Variants in LRRTM4 observed in about 807,000 individuals in gnomAD.
LRRTM4 encodes leucine rich repeat transmembrane neuronal 4, also known as leucine-rich repeat transmembrane neuronal protein 4.
Under a neutral mutation model 47.6 loss-of-function variants are expected in LRRTM4, and 25 were observed. The ratio of observed to expected loss-of-function variants is 0.53; its 90% CI spans 0.38 to 0.73. The LOEUF (loss-of-function observed/expected upper bound fraction) is 0.73. Ranked by LOEUF, LRRTM4 falls within the 30% of genes least tolerant of loss-of-function variation. LRRTM4 has a pLI of 0.00. For missense variants in LRRTM4, 638 were observed against 713.4 expected, an observed-to-expected ratio of 0.89 and a Z score of 1.20; for synonymous variants, 311 against 269.5, an observed-to-expected ratio of 1.15 and a Z score of -1.51.
intron 3 of LRRTM4, among the ~76,000 whole-genome samples, chr2:77,055,869 G>A (rs1048222709): frequency 4.0e-5 from 6 of 151,712 alleles, no homozygotes; most frequent in African/African-American, 1.5e-4. Context: ...CATAAAAAAG[G>A]ATGAGTTCAC....
intron 3 of LRRTM4, among the ~76,000 whole-genome samples, chr2:77,148,671 A>G (rs1448684405): frequency 1.3e-5 from 2 of 152,202 alleles, no homozygotes; most frequent in Non-Finnish European, 2.9e-5. Context: ...AAAAGGGAAT[A>G]GAAAGCCCTT....
chr2:77,125,906 A>AATATATATAT (rs71964749), intron 3 of LRRTM4, among the ~76,000 whole-genome samples: 1 of 146,680 alleles, frequency 6.8e-6, no homozygotes, highest in East Asian at 2.0e-4. Flanking sequence ...ATATGCGTTG[A>AATATATATAT]ATATATATAT....
chr2:76,893,210 A>G (rs1006712828), intron 3 of LRRTM4, among the ~76,000 whole-genome samples: 2 of 151,664 alleles, frequency 1.3e-5, no homozygotes, highest in African/African-American at 4.8e-5. Flanking sequence ...TAAAGGAAAA[A>G]GATGCTCACA....
chr2:76,979,769 T>C (rs550113204), intron 3 of LRRTM4, among the ~76,000 whole-genome samples: 4 of 151,666 alleles, frequency 2.6e-5, no homozygotes, highest in South Asian at 2.1e-4. Context: ...ATGTGAGTAT[T>C]TGAAGATGTT....
At chr2:77,044,557 AGT>A (rs372238881) in intron 3 of LRRTM4, among the ~76,000 whole-genome samples, 3 of 151,118 alleles carry the variant, frequency 2.0e-5, no homozygotes, top group South Asian at 2.1e-4. Context: ...TGTGTCTGTG[AGT>A]GTGTGTGTGT....
chr2:76,900,496 G>GT, intron 3 of LRRTM4, among the ~76,000 whole-genome samples: 1 of 152,104 alleles, frequency 6.6e-6, no homozygotes, highest in Non-Finnish European at 1.5e-5. Flanking sequence ...AGGGCAATGG[G>GT]TTTGTTTTGG....
chr2:76,956,957 A>T (rs1431624532), intron 3 of LRRTM4, among the ~76,000 whole-genome samples: 2 of 151,688 alleles, frequency 1.3e-5, no homozygotes, highest in African/African-American at 4.8e-5. Flanking sequence ...CTTCCCAAAA[A>T]AGAAAAGTTC....
chr2:77,011,759 T>C (rs1246516186), intron 3 of LRRTM4, among the ~76,000 whole-genome samples: 1 of 152,010 alleles, frequency 6.6e-6, no homozygotes, highest in Non-Finnish European at 1.5e-5. Context: ...TTGGGGTAAA[T>C]ATATAACTCT....
chr2:76,863,667 G>A (rs952188327), intron 3 of LRRTM4, among the ~76,000 whole-genome samples: 10 of 152,148 alleles, frequency 6.6e-5, no homozygotes, highest in African/African-American at 2.4e-4. Flanking sequence ...TAAGTGCGGA[G>A]TTTTTCAAAT....
At chr2:77,222,005 T>A (rs1184051439) in intron 3 of LRRTM4, among the ~76,000 whole-genome samples, 1 of 152,068 alleles carries the variant, frequency 6.6e-6, no homozygotes. Context: ...TAACAAACTG[T>A]CTCTCAGACC....
intron 3 of LRRTM4, among the ~76,000 whole-genome samples, chr2:77,049,483 A>G (rs1198672508): frequency 6.6e-6 from 1 of 151,708 alleles, no homozygotes; most frequent in Non-Finnish European, 1.5e-5. Context: ...AATAGCAGCC[A>G]TTCTAGCTAG....
chr2:77,452,640 G>T (rs532072150), intron 3 of LRRTM4, among the ~76,000 whole-genome samples: 20 of 152,270 alleles, frequency 1.3e-4, no homozygotes, highest in African/African-American at 4.8e-4. Flanking sequence ...TTATTGCTCT[G>T]CCATCACCAT....
intron 3 of LRRTM4, among the ~76,000 whole-genome samples, chr2:77,495,565 G>T (rs1365649932): frequency 6.6e-6 from 1 of 151,936 alleles, no homozygotes; most frequent in Non-Finnish European, 1.5e-5. Context: ...AATCAAATTG[G>T]TATGAGGCAT....
chr2:77,361,402 T>C (rs1672204806), intron 3 of LRRTM4, among the ~76,000 whole-genome samples: 3 of 152,206 alleles, frequency 2.0e-5, no homozygotes, highest in Admixed American at 2.0e-4. Flanking sequence ...TTCCTGTTGC[T>C]TTCTAAGACA....
intron 3 of LRRTM4, among the ~76,000 whole-genome samples, chr2:77,240,032 G>A (rs371193459): frequency 3.5e-4 from 53 of 151,238 alleles, no homozygotes; most frequent in East Asian, 1.9e-3. Flanking sequence ...CCATATTCTG[G>A]GTCATAAAAT....
chr2:77,456,370 C>G (rs1462780315), intron 3 of LRRTM4, among the ~76,000 whole-genome samples: 2 of 152,026 alleles, frequency 1.3e-5, no homozygotes, highest in Admixed American at 6.6e-5. Flanking sequence ...ATCAAATATT[C>G]CTACTGACTT....
intron 3 of LRRTM4, among the ~76,000 whole-genome samples, chr2:77,079,491 C>T (rs55748761): frequency 0.4 from 61,514 of 151,978 alleles, 14,445 homozygotes; most frequent in East Asian, 0.68. Context: ...ACAACACAAA[C>T]GTATAAACTT....
At chr2:76,876,231 C>T (rs962517078) in intron 3 of LRRTM4, among the ~76,000 whole-genome samples, 1 of 152,114 alleles carries the variant, frequency 6.6e-6, no homozygotes, top group Non-Finnish European at 1.5e-5. Flanking sequence ...CTATAATTTA[C>T]TTTAAATAAT....
intron 3 of LRRTM4, among the ~76,000 whole-genome samples, chr2:76,985,800 C>A (rs1034925770): frequency 6.6e-6 from 1 of 151,816 alleles, no homozygotes; most frequent in African/African-American, 2.4e-5. Context: ...TAATGTACTA[C>A]GCACGCATCA....
Sources: gnomAD v4.1 joint callset for allele counts (sites outside exome capture counted in the v4.1 genomes callset) on GRCh38, gnomAD v4.1.1 for gene constraint, MANE v1.5 for transcripts, NCBI Gene and HGNC (gene_info 2026-07-23, HGNC 2026-07-21) for gene names.